Variants in SBF2 observed in about 807,000 individuals in gnomAD.
SBF2 encodes the protein myotubularin-related protein 13.
Under a neutral mutation model 225.2 loss-of-function variants are expected in SBF2, and 112 were observed. The observed-to-expected ratio is 0.50, with a 90% confidence interval of 0.43 to 0.58. The LOEUF (loss-of-function observed/expected upper bound fraction) is 0.58, where lower values mean the gene tolerates loss of function less well. Ranked by LOEUF, SBF2 falls within the 20% of genes least tolerant of loss-of-function variation. The pLI, the probability that SBF2 is intolerant of heterozygous loss-of-function variation, is 0.00. For synonymous variants in SBF2, 763 were observed against 773.3 expected (o/e 0.99, Z 0.22); for missense variants, 1,996 against 2,206.2 (o/e 0.90, Z 1.91).
intron 2 of SBF2, among the ~76,000 whole-genome samples, chr11:10,086,694 T>C (rs1346115370): frequency 2.0e-5 from 3 of 152,222 alleles, no homozygotes; most frequent in South Asian, 4.1e-4. Context: ...TATGGAGTTG[T>C]TGAGGACACT....
intron 34 of SBF2, among the ~76,000 whole-genome samples, chr11:9,790,150 G>C (rs532282826): frequency 6.6e-6 from 1 of 152,220 alleles, no homozygotes; most frequent in South Asian, 2.1e-4. Flanking sequence ...GCTTGGCTCC[G>C]AATATCTCTG....
chr11:9,906,188 G>T (rs1862101853), intron 16 of SBF2, among the ~76,000 whole-genome samples: 1 of 152,144 alleles, frequency 6.6e-6, no homozygotes, highest in Non-Finnish European at 1.5e-5. Context: ...TCTGAAGACT[G>T]TCATGAGGCC....
intron 2 of SBF2, among the ~76,000 whole-genome samples, chr11:10,050,653 T>C (rs931388905): frequency 1.3e-5 from 2 of 152,174 alleles, no homozygotes; most frequent in African/African-American, 4.8e-5. Context: ...TGTGATGAGA[T>C]GAAAGGTGAA....
At chr11:9,890,250 A>G (rs1056959397) in intron 17 of SBF2, among the ~76,000 whole-genome samples, 1 of 152,066 alleles carries the variant, frequency 6.6e-6, no homozygotes, top group Admixed American at 6.6e-5. Flanking sequence ...GTTTTTGAGA[A>G]ATGTTCTAAA....
chr11:10,173,178 A>G (rs1206355423), intron 2 of SBF2, among the ~76,000 whole-genome samples: 2 of 152,236 alleles, frequency 1.3e-5, no homozygotes, highest in African/African-American at 4.8e-5. Flanking sequence ...GAATAGGAAC[A>G]GCTCTGGTCT....
At chr11:9,840,396 A>T (rs1269446158) in intron 25 of SBF2, among the ~76,000 whole-genome samples, 6 of 152,256 alleles carry the variant, frequency 3.9e-5, no homozygotes, top group Non-Finnish European at 8.8e-5. Context: ...AACATAAATT[A>T]AAAGTGTAAT....
intron 2 of SBF2, among the ~76,000 whole-genome samples, chr11:10,164,608 CG>C (rs1955876169): frequency 6.6e-6 from 1 of 152,114 alleles, no homozygotes. Context: ...ATAACTGTTA[CG>C]GGAGCACGGT....
chr11:9,869,531 C>T (rs1378231821), intron 17 of SBF2, among the ~76,000 whole-genome samples: 2 of 151,958 alleles, frequency 1.3e-5, no homozygotes, highest in African/African-American at 2.4e-5. Context: ...GTTGGCCAGG[C>T]TAGTCACGGT....
rs35931698 is a variant in SBF2, at chr11:10,271,196, C to CT, written c.55+22818dup. 2.5e-3 allele frequency among the ~76,000 whole-genome samples: 199 copies of CT among 81,052 alleles called. 12 individuals are homozygous for CT. The highest frequency in any genetic ancestry group is 6.9e-3 in the South Asian group (16 of 2,332). The allele number at this position is 81,052 out of a possible 152,430, so 53.2% of individuals were successfully genotyped here. Reference sequence around the variant, plus strand: ...AAAACCAAGGACAGCAATCTTGATTCTTTTTTTTTTTTTTTTTTGAAGTTA... The same window carrying CT: ...AAAACCAAGGACAGCAATCTTGATTCTTTTTTTTTTTTTTTTTTTGAAGTTA... On this transcript the variant is annotated intron_variant, in intron 1 of 39. Transcript: ENST00000256190.
In SBF2 at chr11:10,135,582, T is replaced by G. The variant is rs372703395; in HGVS notation, c.141+58320A>C. 1.1e-4 allele frequency among the ~76,000 whole-genome samples: 17 copies of G among 152,308 alleles called. No individual in the cohort carries two copies. The East Asian group carries it at 2.9e-3, about 26-fold the overall frequency. On this transcript the variant is annotated intron_variant, in intron 2 of 39. Transcript: ENST00000256190. ...CTTATAAATTTCTTCTCCCACACCCTAAATCAACTCTCTCAAGTTCAAAGT... is the reference window on the plus strand; with the variant it reads ...CTTATAAATTTCTTCTCCCACACCCGAAATCAACTCTCTCAAGTTCAAAGT...
At chr11:9,959,817 G>A (rs1034622927) in intron 16 of SBF2, 12 of 590,852 alleles carry the variant, frequency 2.0e-5, no homozygotes, top group Admixed American at 7.4e-5. Context: ...CTGAGCAGGC[G>A]GGTAGGTAAA....
chr11:10,205,479 C>CA (rs1957722093), intron 1 of SBF2, among the ~76,000 whole-genome samples: 1 of 151,732 alleles, frequency 6.6e-6, no homozygotes, highest in Admixed American at 6.6e-5. Context: ...GGAGGAACAA[C>CA]ACAATGGCAG....
intron 1 of SBF2, among the ~76,000 whole-genome samples, chr11:10,225,847 T>C (rs1958517588): frequency 1.3e-5 from 2 of 152,156 alleles, no homozygotes; most frequent in South Asian, 4.1e-4. Context: ...GCTGATGAGA[T>C]CTTTTTTAAA....
intron 1 of SBF2, among the ~76,000 whole-genome samples, chr11:10,274,343 ATG>A (rs1196129264): frequency 6.6e-6 from 1 of 152,216 alleles, no homozygotes; most frequent in Non-Finnish European, 1.5e-5. Context: ...CTGAAGAGAT[ATG>A]TACTACATTC....
intron 16 of SBF2, among the ~76,000 whole-genome samples, chr11:9,912,798 C>G (rs1397140475): frequency 6.6e-6 from 1 of 152,122 alleles, no homozygotes; most frequent in Non-Finnish European, 1.5e-5. Context: ...GCATGTATCC[C>G]CACTGTCAAT....
At chr11:10,051,616 G>A (rs1404111711) in intron 2 of SBF2, among the ~76,000 whole-genome samples, 1 of 151,934 alleles carries the variant, frequency 6.6e-6, no homozygotes, top group Admixed American at 6.6e-5. Flanking sequence ...TATTTCACAC[G>A]TAAATGACAT....
At chr11:10,065,398 T>C (rs966755135) in intron 2 of SBF2, among the ~76,000 whole-genome samples, 6 of 151,654 alleles carry the variant, frequency 4.0e-5, no homozygotes, top group Non-Finnish European at 5.9e-5. Context: ...CAAGAAAAGA[T>C]AATAGGGATA....
chr11:10,120,928 C>A (rs1015747307), intron 2 of SBF2, among the ~76,000 whole-genome samples: 4 of 151,862 alleles, frequency 2.6e-5, no homozygotes, highest in African/African-American at 9.7e-5. Context: ...CCATGCCCGG[C>A]TAATTTTTTA....
At chr11:10,002,430 T>C in intron 7 of SBF2, 127 bp downstream of exon 7, 3 of 766,478 alleles carry the variant, frequency 3.9e-6, no homozygotes, top group South Asian at 3.4e-5. Flanking sequence ...CTATGACTCA[T>C]ATAACAGCAT....
Sources: allele counts gnomAD v4.1 joint callset (sites outside exome capture counted in the v4.1 genomes callset), GRCh38; gene constraint gnomAD v4.1.1; transcripts MANE v1.5; gene names NCBI Gene and HGNC (gene_info 2026-07-23, HGNC 2026-07-21).